MEF2A: variants seen among roughly 807,000 people sequenced by gnomAD.
MEF2A encodes myocyte-specific enhancer factor 2A.
A neutral mutation model predicts 55.8 loss-of-function variants in MEF2A; 28 were observed. The observed-to-expected ratio is 0.50, with a 90% CI of 0.37 to 0.69. MEF2A has a LOEUF of 0.69. Ranked by LOEUF, MEF2A falls within the 30% of genes least tolerant of loss-of-function variation. MEF2A has a pLI of 0.00. For missense variants in MEF2A, 528 were observed against 626.2 expected (o/e 0.84, Z 1.67); for synonymous variants, 239 against 227.1 (o/e 1.05, Z -0.47).
chr15:99,648,455 C>G (rs945089516), intron 4 of MEF2A, among the ~76,000 whole-genome samples: 3 of 152,026 alleles, frequency 2.0e-5, no homozygotes, highest in Non-Finnish European at 2.9e-5. Context: ...ACTCCTTAGC[C>G]ATCTCATGTG....
intron 1 of MEF2A, among the ~76,000 whole-genome samples, chr15:99,572,160 C>T (rs1248443960): frequency 6.6e-6 from 1 of 152,086 alleles, no homozygotes; most frequent in East Asian, 1.9e-4. Context: ...CCTAAATGGC[C>T]CTGAATGAGC....
chr15:99,567,202 G>A (rs1430058105), intron 1 of MEF2A, among the ~76,000 whole-genome samples: 1 of 152,244 alleles, frequency 6.6e-6, no homozygotes, highest in East Asian at 1.9e-4. Context: ...TTAGTTTACA[G>A]TGAGATTGGG....
In MEF2A at chr15:99,652,965, A is replaced by G. The variant is rs575562300; in HGVS notation, c.258+7201A>G. 2.6e-5 allele frequency among the ~76,000 whole-genome samples: 4 copies of G among 152,200 alleles called. No homozygotes were observed. The South Asian group carries it at 8.3e-4, about 31-fold the overall frequency. On this transcript the variant is annotated intron_variant, in intron 4 of 11. Coordinates refer to ENST00000557942, the MANE Select transcript of MEF2A (RefSeq NM_001319206.4). Reference sequence around the variant, plus strand: ...AAGATGATATGCTGGCTATTTTATTATCTTATGGCAGAAGTGCTTTTGTTA... The same window carrying G: ...AAGATGATATGCTGGCTATTTTATTGTCTTATGGCAGAAGTGCTTTTGTTA...
intron 4 of MEF2A, among the ~76,000 whole-genome samples, chr15:99,664,007 G>A (rs1313922814): frequency 2.0e-5 from 3 of 152,140 alleles, no homozygotes; most frequent in African/African-American, 7.2e-5. Flanking sequence ...TAGAATGATA[G>A]GACGTATGAC....
At chr15:99,609,115 A>AAGTT (rs1976222799) in intron 2 of MEF2A, among the ~76,000 whole-genome samples, 1 of 152,186 alleles carries the variant, frequency 6.6e-6, no homozygotes, top group South Asian at 2.1e-4. Context: ...AGTGGAAGAC[A>AAGTT]AGTTGGCTTT....
intron 9 of MEF2A, among the ~76,000 whole-genome samples, chr15:99,706,021 T>C (rs910288196): frequency 3.3e-5 from 5 of 152,254 alleles, no homozygotes; most frequent in African/African-American, 1.2e-4. Flanking sequence ...GTTGAATTTT[T>C]TTTATCCATT....
At chr15:99,670,260 T>G (rs1376395776) in intron 4 of MEF2A, among the ~76,000 whole-genome samples, 4 of 151,654 alleles carry the variant, frequency 2.6e-5, no homozygotes. Context: ...TGCATTATAC[T>G]AAGAAAAAAA....
intron 4 of MEF2A, among the ~76,000 whole-genome samples, chr15:99,654,592 T>G (rs2047397460): frequency 6.7e-6 from 1 of 150,036 alleles, no homozygotes; most frequent in South Asian, 2.1e-4. Context: ...GGGGGGGGTA[T>G]TGGTTATTTC....
intron 7 of MEF2A, chr15:99,681,729 C>G (rs1190265465): frequency 6.6e-6 from 1 of 152,120 alleles, no homozygotes; most frequent in African/African-American, 2.4e-5. Flanking sequence ...TTCATTGAAT[C>G]AAGTACACAT....
At chr15:99,678,179 T>C (rs568453949) in intron 7 of MEF2A, among the ~76,000 whole-genome samples, 2 of 152,338 alleles carry the variant, frequency 1.3e-5, no homozygotes, top group East Asian at 1.9e-4. Flanking sequence ...TTGTAAGTTA[T>C]TTAGAATTAT....
chr15:99,597,213 A>G (rs780143591), intron 1 of MEF2A, among the ~76,000 whole-genome samples: 2 of 152,204 alleles, frequency 1.3e-5, no homozygotes, highest in Non-Finnish European at 2.9e-5. Flanking sequence ...TGGGAGAAAT[A>G]TCGCTGAATT....
chr15:99,638,431 C>T (rs12324514), intron 3 of MEF2A, among the ~76,000 whole-genome samples: 23 of 152,152 alleles, frequency 1.5e-4, no homozygotes, highest in African/African-American at 4.6e-4. Context: ...TTACATATAA[C>T]GGTTTTGTAT....
intron 5 of MEF2A, chr15:99,671,801 C>CA: frequency 1.0e-6 from 1 of 961,440 alleles, no homozygotes; most frequent in Non-Finnish European, 1.4e-6. Context: ...TATAAAACTT[C>CA]AAAATAAAAT....
Position 99,685,023 on chromosome 15 carries a change from G to A in MEF2A, c.671-5218G>A, listed in dbSNP as rs952376903. Reference sequence around the variant, plus strand: ...CTGTAAGTATTTGGCTTTACTTCTGGGTTTTCTATTCTGTTCCATTGGTCT... The same window carrying A: ...CTGTAAGTATTTGGCTTTACTTCTGAGTTTTCTATTCTGTTCCATTGGTCT... On this transcript the variant is annotated intron_variant, in intron 7 of 11. Transcript: ENST00000557942. Among the ~76,000 whole-genome samples the A allele has an allele frequency of 6.6e-5, 10 of 152,124 alleles. No homozygotes were observed. The South Asian group carries it at 2.1e-3, about 32-fold the overall frequency.
chr15:99,683,514 C>A (rs913663704), intron 7 of MEF2A, among the ~76,000 whole-genome samples: 3 of 152,092 alleles, frequency 2.0e-5, no homozygotes, highest in African/African-American at 7.2e-5. Context: ...TCAGGCAATT[C>A]TTCTGCGTCA....
rs1272448614 is a variant in MEF2A at position 99,715,483 on chromosome 15, C to G, written c.*2712C>G. On this transcript the variant is annotated 3_prime_UTR_variant, in exon 12 of 12. Transcript: ENST00000557942. ...TCCATTTCAGGAACTGAATATTTGACTGTTAACCTTTTTCCCATACGTCCA... is the reference window on the plus strand; with the variant it reads ...TCCATTTCAGGAACTGAATATTTGAGTGTTAACCTTTTTCCCATACGTCCA... 1.3e-5 allele frequency: 2 copies of G among 152,210 alleles called. No individual in the cohort carries two copies. Among genetic ancestry groups the G allele is most frequent in the South Asian group, 4.1e-4 (2 of 4,836 alleles). 9.4% of individuals were successfully genotyped at this position (152,210 alleles called of 1,614,324 possible).
At chr15:99,698,165 A>G (rs1309390818) in intron 8 of MEF2A, among the ~76,000 whole-genome samples, 3 of 152,224 alleles carry the variant, frequency 2.0e-5, no homozygotes, top group Non-Finnish European at 2.9e-5. Context: ...GGATCCATAA[A>G]GAAAAAACTG....
chr15:99,640,550 CTTTCT>C (rs2044697082), intron 3 of MEF2A, among the ~76,000 whole-genome samples: 1 of 147,836 alleles, frequency 6.8e-6, no homozygotes, highest in Non-Finnish European at 1.5e-5. Flanking sequence ...CCCCTCTTTT[CTTTCT>C]TTTCTTTTTT....
intron 8 of MEF2A, among the ~76,000 whole-genome samples, chr15:99,695,722 G>A (rs569998094): frequency 6.6e-6 from 1 of 152,194 alleles, no homozygotes; most frequent in Non-Finnish European, 1.5e-5. Context: ...AGCTGGGCAT[G>A]GTAGCACACG....
Sources: gnomAD v4.1 joint callset for allele counts (sites outside exome capture counted in the v4.1 genomes callset) on GRCh38, gnomAD v4.1.1 for gene constraint, MANE v1.5 for transcripts, NCBI Gene and HGNC (gene_info 2026-07-23, HGNC 2026-07-21) for gene names.